PPP1R13B: variants seen among roughly 807,000 people sequenced by gnomAD.
PPP1R13B encodes the protein protein phosphatase 1 regulatory subunit 13B.
Under a neutral mutation model 119.8 loss-of-function variants are expected in PPP1R13B, and 44 were observed. The ratio of observed to expected loss-of-function variants is 0.37; its 90% CI spans 0.29 to 0.47. PPP1R13B has a LOEUF of 0.47. PPP1R13B is among the 20% of genes least tolerant of loss of function. The probability of loss-of-function intolerance (pLI) is 0.99; values close to 1 mark genes in which losing one functional copy is unlikely to be tolerated. For missense variants in PPP1R13B, 1,227 were observed against 1,413.5 expected, an observed-to-expected ratio of 0.87 and a Z score of 2.12; for synonymous variants, 542 against 561.5, an observed-to-expected ratio of 0.97 and a Z score of 0.49.
chr14:103,762,729 G>A (rs894445862), intron 4 of PPP1R13B: 4 of 659,594 alleles, frequency 6.1e-6, no homozygotes, highest in East Asian at 5.7e-5. Flanking sequence ...CGGTGGCCGT[G>A]GGGGTGAGAC....
At chr14:103,758,189 T>C (rs933729326) in intron 4 of PPP1R13B, among the ~76,000 whole-genome samples, 5 of 152,186 alleles carry the variant, frequency 3.3e-5, no homozygotes, top group African/African-American at 1.2e-4. Context: ...CAGATTCTAA[T>C]ATATGAATAA....
intron 2 of PPP1R13B, among the ~76,000 whole-genome samples, chr14:103,796,276 C>T (rs962470810): frequency 6.6e-6 from 1 of 152,138 alleles, no homozygotes; most frequent in African/African-American, 2.4e-5. Flanking sequence ...GAGAAAGACA[C>T]TGTCTCAAAA....
In PPP1R13B at chr14:103,734,858, G is replaced by C. The variant is rs1243240767; in HGVS notation, c.*296C>G. Reference sequence around the variant, plus strand: ...TGTCTTCACTGGCAACCAACCGGGGGTTATGGGACTTCTTAATGGCAAGAG... The same window carrying C: ...TGTCTTCACTGGCAACCAACCGGGGCTTATGGGACTTCTTAATGGCAAGAG... On this transcript the variant is annotated 3_prime_UTR_variant, in exon 17 of 17. Coordinates refer to ENST00000202556, the MANE Select transcript of PPP1R13B (RefSeq NM_015316.3). 2.3e-5 allele frequency: 12 copies of C among 512,476 alleles called. No individual in the cohort carries two copies. The highest frequency in any genetic ancestry group is 4.1e-5 in the Non-Finnish European group (11 of 270,608). The allele number at this position is 512,476 out of a possible 1,614,324, so 31.7% of individuals were successfully genotyped here. A position where few individuals can be genotyped will look rare whatever the true frequency, so the allele number is the denominator to read the frequency against.
At chr14:103,798,795 T>C (rs1299074445) in intron 1 of PPP1R13B, among the ~76,000 whole-genome samples, 1 of 151,868 alleles carries the variant, frequency 6.6e-6, no homozygotes, top group Admixed American at 6.6e-5. Context: ...TTCTGCCTCC[T>C]AGACTCCAGA....
intron 2 of PPP1R13B, among the ~76,000 whole-genome samples, chr14:103,787,974 G>A (rs1255880463): frequency 2.0e-5 from 3 of 151,852 alleles, no homozygotes; most frequent in Non-Finnish European, 4.4e-5. Flanking sequence ...TTAGCCGGGT[G>A]TGGTGGCACA....
chr14:103,749,239 C>T (rs563352016), intron 8 of PPP1R13B, among the ~76,000 whole-genome samples: 2 of 152,052 alleles, frequency 1.3e-5, no homozygotes, highest in African/African-American at 2.4e-5. Flanking sequence ...TATTGTATTA[C>T]TTTTTCAATG....
At chr14:103,763,463 CTTTTA>C (rs1489387777) in intron 4 of PPP1R13B, among the ~76,000 whole-genome samples, 1 of 151,860 alleles carries the variant, frequency 6.6e-6, no homozygotes, top group African/African-American at 2.4e-5. Context: ...TATCCTATGT[CTTTTA>C]TTTTAACCTT....
intron 4 of PPP1R13B, among the ~76,000 whole-genome samples, chr14:103,774,796 C>T (rs998518474): frequency 5.3e-5 from 8 of 152,102 alleles, no homozygotes; most frequent in East Asian, 1.9e-4. Context: ...TTAAAATGCA[C>T]GTAAAACCGC....
chr14:103,829,368 A>C (rs928603789), intron 1 of PPP1R13B, among the ~76,000 whole-genome samples: 2 of 152,224 alleles, frequency 1.3e-5, no homozygotes, highest in African/African-American at 4.8e-5. Context: ...AGCAATCTCT[A>C]AAGCAAGAAT....
intron 1 of PPP1R13B, among the ~76,000 whole-genome samples, chr14:103,820,130 C>T (rs953319096): frequency 3.9e-4 from 60 of 152,180 alleles, no homozygotes; most frequent in African/African-American, 1.3e-3. Flanking sequence ...AATCAGGCTT[C>T]AGTCCCAGCA....
intron 1 of PPP1R13B, among the ~76,000 whole-genome samples, chr14:103,807,558 G>A (rs1445063105): frequency 3.3e-5 from 5 of 152,056 alleles, no homozygotes; most frequent in African/African-American, 7.2e-5. Context: ...GCAGTGGCGC[G>A]ATCTCGGCTC....
intron 1 of PPP1R13B, among the ~76,000 whole-genome samples, chr14:103,823,266 G>C (rs774804443): frequency 6.6e-6 from 1 of 151,948 alleles, no homozygotes; most frequent in Non-Finnish European, 1.5e-5. Flanking sequence ...TTGAACCCAG[G>C]AGGCGGAGGT....
At chr14:103,808,464 A>C (rs1307793992) in intron 1 of PPP1R13B, among the ~76,000 whole-genome samples, 2 of 152,198 alleles carry the variant, frequency 1.3e-5, no homozygotes, top group African/African-American at 2.4e-5. Context: ...AAGATCATTA[A>C]AAAACATATA....
intron 5 of PPP1R13B, among the ~76,000 whole-genome samples, chr14:103,754,687 A>G (rs1286256373): frequency 6.6e-6 from 1 of 152,070 alleles, no homozygotes; most frequent in Admixed American, 6.6e-5. Flanking sequence ...GAGGAATCTT[A>G]TATCAGACCA....
intron 1 of PPP1R13B, among the ~76,000 whole-genome samples, chr14:103,808,315 A>C (rs576654240): frequency 6.6e-6 from 1 of 152,252 alleles, no homozygotes; most frequent in South Asian, 2.1e-4. Context: ...ATTTCACTCA[A>C]ACCTAGAGAA....
chr14:103,782,978 T>A (rs1421591003), intron 3 of PPP1R13B, among the ~76,000 whole-genome samples: 1 of 152,066 alleles, frequency 6.6e-6, no homozygotes, highest in Non-Finnish European at 1.5e-5. Context: ...CTAATTTTTG[T>A]ATTTTTAGTA....
rs1389586280 is a variant in PPP1R13B, at chr14:103,742,819, A to G, written c.1155T>C (p.Asn385=). The G allele has an allele frequency of 1.2e-6, 2 of 1,613,892 alleles. No homozygotes were observed. Among genetic ancestry groups the G allele is most frequent in the Non-Finnish European group, 1.7e-6 (2 of 1,180,016 alleles). ...NAAHGRSKSA[N]DGNWPTLKQN... is the part of the protein sequence containing the mutation. Reference sequence around the variant, plus strand: ...GTTTTAATGTTGGCCAGTTTCCATCATTAGCTTGAAAAGAACACAGAACTT... The same window carrying G: ...GTTTTAATGTTGGCCAGTTTCCATCGTTAGCTTGAAAAGAACACAGAACTT... The change falls in exon 10 of 17, where the codon AAT becomes AAC. Residue 385 remains asparagine (N), a synonymous_variant. Coordinates refer to ENST00000202556, the MANE Select transcript of PPP1R13B (RefSeq NM_015316.3). This position sits in a 1 kb window ranked among gnomAD's most constrained non-coding sequence, Gnocchi z 4.9.
At chr14:103,818,651 G>T (rs1481643409) in intron 1 of PPP1R13B, among the ~76,000 whole-genome samples, 1 of 152,066 alleles carries the variant, frequency 6.6e-6, no homozygotes, top group Admixed American at 6.6e-5. Context: ...GTTCCCAGGG[G>T]TCACGCTTAT....
At chr14:103,848,361 C>A (rs144807465), upstream of PPP1R13B, 12 of 985,348 alleles carry the variant, frequency 1.2e-5, no homozygotes, top group South Asian at 4.7e-5. Flanking sequence ...CCTGCAGTCC[C>A]GTCTCCAGAG....
Sources: gnomAD v4.1 joint callset for allele counts (sites outside exome capture counted in the v4.1 genomes callset) on GRCh38, gnomAD v4.1.1 for gene constraint, Gnocchi (gnomAD v3.1) non-coding constraint, MANE v1.5 for transcripts, NCBI Gene and HGNC (gene_info 2026-07-23, HGNC 2026-07-21) for gene names.